EBF1: variants seen among roughly 807,000 people sequenced by gnomAD.
EBF1 encodes transcription factor COE1.
EBF1 carries 10 observed loss-of-function variants against 68.4 expected under a neutral mutation model. That is an observed-to-expected ratio of 0.15 (90% confidence interval 0.09 to 0.25). The LOEUF is 0.25. EBF1 is among the 10% of genes least tolerant of loss of function. EBF1 has a pLI of 1.00. For synonymous variants in EBF1, 298 were observed against 299.8 expected, an observed-to-expected ratio of 0.99 and a Z score of 0.06; for missense variants, 509 against 794.4, an observed-to-expected ratio of 0.64 and a Z score of 4.32.
At chr5:158,750,036 C>T (rs1768448826) in intron 10 of EBF1, among the ~76,000 whole-genome samples, 1 of 152,000 alleles carries the variant, frequency 6.6e-6, no homozygotes, top group African/African-American at 2.4e-5. Flanking sequence ...TAGCATAACA[C>T]TGGTAAATCT....
chr5:158,888,201 C>T (rs1800423220), intron 6 of EBF1, among the ~76,000 whole-genome samples: 1 of 152,018 alleles, frequency 6.6e-6, no homozygotes, highest in Non-Finnish European at 1.5e-5. Context: ...TCCGTTTTTC[C>T]TAGTTGGTGA....
intron 6 of EBF1, among the ~76,000 whole-genome samples, chr5:158,852,727 C>T (rs1326209830): frequency 1.3e-5 from 2 of 152,140 alleles, no homozygotes; most frequent in African/African-American, 4.8e-5. Context: ...CTTTATTAAG[C>T]ACTATTTCTC....
chr5:158,815,102 G>C (rs1783458931), intron 8 of EBF1, among the ~76,000 whole-genome samples: 1 of 152,192 alleles, frequency 6.6e-6, no homozygotes, highest in Non-Finnish European at 1.5e-5. Flanking sequence ...CAGTAGATTA[G>C]AGTGCAGACT....
At chr5:158,742,943 G>A (rs959901490) in intron 10 of EBF1, among the ~76,000 whole-genome samples, 2 of 152,186 alleles carry the variant, frequency 1.3e-5, no homozygotes, top group African/African-American at 4.8e-5. Flanking sequence ...TTGCAGGCTT[G>A]CTGTATACAA....
At chr5:159,084,004 T>G (rs574939572) in intron 5 of EBF1, among the ~76,000 whole-genome samples, 1 of 152,348 alleles carries the variant, frequency 6.6e-6, no homozygotes, top group South Asian at 2.1e-4. Flanking sequence ...AGCTTCAGTC[T>G]GATTACAGGC....
intron 9 of EBF1, among the ~76,000 whole-genome samples, chr5:158,782,949 G>C (rs1418390645): frequency 6.6e-6 from 1 of 151,748 alleles, no homozygotes; most frequent in African/African-American, 2.4e-5. Context: ...ACCACTGCTT[G>C]TATATCATGT....
intron 8 of EBF1, among the ~76,000 whole-genome samples, chr5:158,796,874 G>GT (rs956526127): frequency 1.3e-4 from 19 of 151,998 alleles, no homozygotes; most frequent in Non-Finnish European, 2.2e-4. Context: ...GAAAACTTAC[G>GT]TTTTTTTAGA....
At chr5:158,796,027 A>G (rs1779556937) in intron 9 of EBF1, among the ~76,000 whole-genome samples, 1 of 152,166 alleles carries the variant, frequency 6.6e-6, no homozygotes, top group Admixed American at 6.6e-5. Flanking sequence ...TTTTCTATAC[A>G]TCTTGTGACT....
intron 6 of EBF1, among the ~76,000 whole-genome samples, chr5:158,857,288 A>T (rs748676037): frequency 6.6e-6 from 1 of 151,690 alleles, no homozygotes; most frequent in African/African-American, 2.4e-5. Flanking sequence ...CCATCCATCA[A>T]ATATCACATG....
intron 12 of EBF1, among the ~76,000 whole-genome samples, chr5:158,713,762 A>G (rs1760005662): frequency 6.6e-6 from 1 of 152,006 alleles, no homozygotes; most frequent in African/African-American, 2.4e-5. Flanking sequence ...GCCTTGCTAT[A>G]CTTTTTGGAG....
chr5:158,909,100 T>G (rs1583074699), intron 6 of EBF1, among the ~76,000 whole-genome samples: 1 of 139,048 alleles, frequency 7.2e-6, no homozygotes, highest in Non-Finnish European at 1.5e-5. Context: ...CATGGGAAAA[T>G]GAAACTCATG....
chr5:158,880,782 T>C (rs1490427841), intron 6 of EBF1, among the ~76,000 whole-genome samples: 1 of 152,148 alleles, frequency 6.6e-6, no homozygotes, highest in Non-Finnish European at 1.5e-5. Context: ...AGCCCAGTTG[T>C]TTGTAGTGTG....
At chr5:158,794,568 C>T (rs1331885543) in intron 9 of EBF1, among the ~76,000 whole-genome samples, 1 of 152,204 alleles carries the variant, frequency 6.6e-6, no homozygotes, top group Non-Finnish European at 1.5e-5. Flanking sequence ...AAGCTTCAGA[C>T]TAACCCACCT....
At chr5:158,890,690 A>G (rs1264577560) in intron 6 of EBF1, among the ~76,000 whole-genome samples, 1 of 152,160 alleles carries the variant, frequency 6.6e-6, no homozygotes, top group African/African-American at 2.4e-5. Flanking sequence ...AGCCCCCGCC[A>G]CCCTGCTGCT....
intron 6 of EBF1, among the ~76,000 whole-genome samples, chr5:158,889,840 A>G (rs180770083): frequency 6.6e-6 from 1 of 152,348 alleles, no homozygotes; most frequent in Admixed American, 6.5e-5. Flanking sequence ...CCACAAATCA[A>G]AGATATTCAA....
chr5:158,868,721 G>C (rs1796352246), intron 6 of EBF1, among the ~76,000 whole-genome samples: 1 of 152,194 alleles, frequency 6.6e-6, no homozygotes, highest in Admixed American at 6.5e-5. Context: ...TGGTGCCCCT[G>C]TCTCTGGGTG....
chr5:159,059,984 C>T (rs955991457), intron 6 of EBF1, among the ~76,000 whole-genome samples: 3 of 152,158 alleles, frequency 2.0e-5, no homozygotes, highest in Non-Finnish European at 2.9e-5. Context: ...AAGTAAAATT[C>T]AGTTCAAATT....
At chr5:158,721,987 G>A (rs993241535) in intron 11 of EBF1, among the ~76,000 whole-genome samples, 8 of 151,496 alleles carry the variant, frequency 5.3e-5, no homozygotes, top group Admixed American at 3.3e-4. Flanking sequence ...GGTGCTTCCC[G>A]CCACAGATAC....
Position 159,097,123 on chromosome 5 carries a change from C to T in EBF1, c.142G>A (p.Gly48Ser), listed in dbSNP as rs1344172917. Residue 48 changes from glycine (G) to serine (S), a missense_variant, in exon 2 of 16, where the codon GGT becomes AGT. By Grantham distance (56) the Gly-to-Ser change is moderately conservative. Around this residue, in one of 3 missense-constraint regions of EBF1, gnomAD observed 74 missense variants for 79.4 expected, o/e 0.93. Transcript: ENST00000313708. Reference sequence around the variant, plus strand: ...TTCTCAAAGTGAGCCCGGGCCAGACCCACCCCGCTGCGGCCAAAGACGCAG... The same window carrying T: ...TTCTCAAAGTGAGCCCGGGCCAGACTCACCCCGCTGCGGCCAAAGACGCAG... Reference protein sequence around the residue: ...DANTAAQSGVGLARAHFEKQP... With the variant: ...DANTAAQSGVSLARAHFEKQP... 6.2e-7 allele frequency: 1 copy of T among 1,613,620 alleles called. No individual in the cohort carries two copies. Among genetic ancestry groups the T allele is most frequent in the Non-Finnish European group, 8.5e-7 (1 of 1,179,864 alleles).
Sources: allele counts gnomAD v4.1 joint callset (sites outside exome capture counted in the v4.1 genomes callset), GRCh38; gene constraint gnomAD v4.1.1; regional missense constraint gnomAD v4.1.1; transcripts MANE v1.5; gene names NCBI Gene and HGNC (gene_info 2026-07-23, HGNC 2026-07-21).